RBFOX2: variants seen among roughly 807,000 people sequenced by gnomAD.
The protein encoded by RBFOX2 is RNA binding fox-1 homolog 2.
RBFOX2 carries 10 observed loss-of-function variants against 49.1 expected under a neutral mutation model. That is an observed-to-expected ratio of 0.20 (90% CI 0.13 to 0.35). RBFOX2 has a LOEUF of 0.35. Among genes scored for constraint, RBFOX2 ranks in the 10% least tolerant of loss-of-function variants. The pLI is 1.00. For missense variants in RBFOX2, 323 were observed against 486.9 expected (o/e 0.66, Z 3.17); for synonymous variants, 183 against 187.4 (o/e 0.98, Z 0.19).
chr22:35,919,548 A>G (rs2050796754), intron 1 of RBFOX2, among the ~76,000 whole-genome samples: 1 of 152,090 alleles, frequency 6.6e-6, no homozygotes, highest in South Asian at 2.1e-4. Context: ...AAAAAAAGAA[A>G]AAGAAGTGAT....
At chr22:35,886,148 G>A (rs371652998) in intron 1 of RBFOX2, among the ~76,000 whole-genome samples, 74 of 152,090 alleles carry the variant, frequency 4.9e-4, no homozygotes, top group Admixed American at 3.4e-3. Flanking sequence ...GAGCCACCGC[G>A]CCCGGCCCAA....
At chr22:36,000,183 T>C (rs916821431) in intron 1 of RBFOX2, 3 of 151,984 alleles carry the variant, frequency 2.0e-5, no homozygotes, top group Non-Finnish European at 4.4e-5. Context: ...GTATTTTCAG[T>C]AGAGACAGGG....
chr22:36,021,258 AG>A (rs71191398), intron 1 of RBFOX2, among the ~76,000 whole-genome samples: 1 of 54,530 alleles, frequency 1.8e-5, no homozygotes, highest in East Asian at 6.8e-4. Context: ...GGGTGGGGGG[AG>A]GGGGGAGGGA....
intron 1 of RBFOX2, among the ~76,000 whole-genome samples, chr22:36,026,631 T>C (rs899642855): frequency 6.6e-6 from 1 of 152,016 alleles, no homozygotes; most frequent in African/African-American, 2.4e-5. Flanking sequence ...TCATCCAATA[T>C]TAGCTCACCT....
At chr22:35,778,314 A>G (rs1569058693) in intron 3 of RBFOX2, among the ~76,000 whole-genome samples, 1 of 152,222 alleles carries the variant, frequency 6.6e-6, no homozygotes, top group East Asian at 1.9e-4. Flanking sequence ...TCACAGTGTT[A>G]GCCCATTAGA....
At chr22:35,823,303 C>A (rs1954937202) in intron 1 of RBFOX2, among the ~76,000 whole-genome samples, 1 of 152,178 alleles carries the variant, frequency 6.6e-6, no homozygotes, top group African/African-American at 2.4e-5. Context: ...ATGGGTTCCC[C>A]CTGGACAGAC....
At chr22:35,828,053 T>A (rs1956106879) in intron 1 of RBFOX2, among the ~76,000 whole-genome samples, 1 of 150,792 alleles carries the variant, frequency 6.6e-6, no homozygotes. Context: ...CCCAGCTACT[T>A]GGGAGGCTGA....
exon 12 of RBFOX2, chr22:35,742,011 C>CAAAGCA (rs1268635171): frequency 6.6e-6 from 1 of 152,198 alleles, no homozygotes; most frequent in Non-Finnish European, 1.5e-5. Context: ...AGTTCTCCCT[C>CAAAGCA]AAAGCAAAAG....
chr22:35,857,563 G>A (rs1045013910), intron 1 of RBFOX2, among the ~76,000 whole-genome samples: 5 of 152,146 alleles, frequency 3.3e-5, no homozygotes, highest in Non-Finnish European at 5.9e-5. Flanking sequence ...ACAGGTACTC[G>A]GGGTTGAAGG....
At position 35,927,392 on chromosome 22, in the gene RBFOX2, G is replaced by A. The variant is rs894943199; in HGVS notation, c.-34+11455C>T. Among the ~76,000 whole-genome samples the A allele has an allele frequency of 3.3e-5, 5 of 152,120 alleles. No individual in the cohort carries two copies. The South Asian group carries it at 8.3e-4, about 25-fold the overall frequency. ...GGCCAAGTCAGGTGGATCACCTGAGGTTGGGAGTTCGAGACCAGCCTGACC... is the reference window on the plus strand; with the variant it reads ...GGCCAAGTCAGGTGGATCACCTGAGATTGGGAGTTCGAGACCAGCCTGACC... On this transcript the variant is annotated intron_variant, in intron 1 of 13. Transcript: ENST00000359369.
At chr22:35,830,506 T>G (rs1956585447) in intron 1 of RBFOX2, among the ~76,000 whole-genome samples, 2 of 152,222 alleles carry the variant, frequency 1.3e-5, no homozygotes, top group African/African-American at 2.4e-5. Context: ...GCAAGTGTCT[T>G]TGTGTGAACA....
In RBFOX2 at chr22:35,749,293, A is replaced by T. The variant is rs1303051757; in HGVS notation, c.888-2732T>A. Among the ~76,000 whole-genome samples the T allele has an allele frequency of 6.6e-6, 1 of 152,214 alleles. No homozygotes were observed. Among genetic ancestry groups the T allele is most frequent in the East Asian group, 1.9e-4 (1 of 5,194 alleles). On this transcript the variant is annotated intron_variant, in intron 9 of 11. Transcript: ENST00000405409. The surrounding 1 kb of genome is among the most constrained non-coding windows in gnomAD (Gnocchi z 4.1). ...TCAAGAATATCAGCACTAAGAAAAA[A>T]CACATGAAGAGTTTTTTTTAAAGCA...
At chr22:35,926,510 C>T (rs1569493671) in intron 1 of RBFOX2, among the ~76,000 whole-genome samples, 1 of 152,030 alleles carries the variant, frequency 6.6e-6, no homozygotes, top group African/African-American at 2.4e-5. Flanking sequence ...AAATTATGAT[C>T]CATCCATTAA....
intron 4 of RBFOX2, among the ~76,000 whole-genome samples, chr22:35,769,304 T>C (rs1439955382): frequency 1.3e-5 from 2 of 152,138 alleles, no homozygotes; most frequent in South Asian, 2.1e-4. Flanking sequence ...GCTGGTATAA[T>C]GACTTAGGAT....
chr22:35,780,268 C>T (rs967695530), intron 3 of RBFOX2, among the ~76,000 whole-genome samples: 3 of 151,538 alleles, frequency 2.0e-5, no homozygotes, highest in Admixed American at 1.3e-4. Flanking sequence ...GTCTTGTCAC[C>T]GTGAAGTGGC....
chr22:35,741,655 C>G (rs1366396617), exon 12 of RBFOX2: 1 of 152,844 alleles, frequency 6.5e-6, no homozygotes, highest in Middle Eastern at 3.1e-3. Flanking sequence ...GTGTTAAACA[C>G]CATCCCTGGA....
intron 1 of RBFOX2, chr22:35,996,619 A>C (rs969478623): frequency 3.3e-5 from 5 of 151,994 alleles, no homozygotes; most frequent in Non-Finnish European, 5.9e-5. Flanking sequence ...TCAAAAAAAA[A>C]AAAAAGAAAA....
intron 2 of RBFOX2, among the ~76,000 whole-genome samples, chr22:35,799,166 G>A (rs1174799628): frequency 6.6e-6 from 1 of 152,154 alleles, no homozygotes; most frequent in Non-Finnish European, 1.5e-5. Context: ...GTTAGAATAT[G>A]TACACAAATA....
intron 2 of RBFOX2, among the ~76,000 whole-genome samples, chr22:35,788,871 C>T (rs1028346435): frequency 5.3e-5 from 8 of 152,130 alleles, no homozygotes; most frequent in South Asian, 2.1e-4. Context: ...CTTGTGTTAT[C>T]GGGTGATGAT....
Sources: gnomAD v4.1 joint callset for allele counts (sites outside exome capture counted in the v4.1 genomes callset) on GRCh38, gnomAD v4.1.1 for gene constraint, Gnocchi (gnomAD v3.1) non-coding constraint, MANE v1.5 for transcripts, NCBI Gene and HGNC (gene_info 2026-07-23, HGNC 2026-07-21) for gene names.